Variants in PARP12 observed in about 807,000 individuals in gnomAD.
PARP12 encodes the protein poly(ADP-ribose) polymerase family member 12.
PARP12 carries 59 observed loss-of-function variants against 72.4 expected under a neutral mutation model. The ratio of observed to expected loss-of-function variants is 0.81; its 90% CI spans 0.66 to 1.01. PARP12 has a LOEUF of 1.01. Among genes scored for constraint, PARP12 ranks in the 50% least tolerant of loss-of-function variants. The pLI is 0.00. For synonymous variants in PARP12, 403 were observed against 371.4 expected (o/e 1.09, Z -0.98); for missense variants, 851 against 914.0 (o/e 0.93, Z 0.89).
intron 9 of PARP12, among the ~76,000 whole-genome samples, chr7:140,028,228 C>T (rs890376454): frequency 6.6e-6 from 1 of 152,186 alleles, no homozygotes; most frequent in Non-Finnish European, 1.5e-5. Flanking sequence ...TCCCTCCTGA[C>T]AGTAACCCCA....
chr7:140,034,083 T>G, intron 8 of PARP12, 152 bp downstream of exon 8: 1 of 1,338,080 alleles, frequency 7.5e-7, no homozygotes. Context: ...CTGGTCCAAC[T>G]AGTAGAAGAC....
chr7:140,031,069 G>C (rs1021071131), intron 8 of PARP12, among the ~76,000 whole-genome samples: 3 of 152,322 alleles, frequency 2.0e-5, no homozygotes, highest in Non-Finnish European at 2.9e-5. Context: ...TTGTACTTAA[G>C]TGAAGAACAT....
rs1236625882 is a variant in PARP12, at chr7:140,057,078, T to C, written c.538A>G (p.Ile180Val). 1.2e-6 allele frequency: 2 copies of C among 1,614,200 alleles called. No individual in the cohort carries two copies. Among genetic ancestry groups the C allele is most frequent in the Admixed American group, 3.3e-5 (2 of 60,024 alleles). The change falls in exon 3 of 12, where the codon ATC becomes GTC. Residue 180 changes from isoleucine to valine, a missense_variant. Around this residue, in one of 3 missense-constraint regions of PARP12, gnomAD observed 492 missense variants for 489.3 expected, o/e 1.01. Coordinates refer to ENST00000263549, the MANE Select transcript of PARP12 (RefSeq NM_022750.4). The stretch of plus-strand genomic sequence containing the variant: ...TCCCCCTGTAAAAAATACTGGCAGA[T>C]ATGGAGCTTGATGCACTGCTTTTGA... ...AFQKQCIKLH[I>V]CQYFLQGECK...
chr7:140,044,040 G>T (rs1585099721), intron 5 of PARP12, among the ~76,000 whole-genome samples: 1 of 152,162 alleles, frequency 6.6e-6, no homozygotes, highest in East Asian at 1.9e-4. Context: ...GAATTCCAGA[G>T]AAGGAATACT....
chr7:140,035,953 C>CAAA (rs1569526876), intron 7 of PARP12, among the ~76,000 whole-genome samples: 1 of 20,996 alleles, frequency 4.8e-5, no homozygotes, highest in Non-Finnish European at 7.8e-5. Context: ...AGGAGGAGGA[C>CAAA]GAGGAGGAGG....
At chr7:140,030,742 T>C (rs914159147) in intron 8 of PARP12, among the ~76,000 whole-genome samples, 2 of 152,268 alleles carry the variant, frequency 1.3e-5, no homozygotes, top group Non-Finnish European at 1.5e-5. Context: ...CAGCTTTGAA[T>C]GTGACCCAAC....
chr7:140,059,277 G>T (rs117675354), intron 1 of PARP12, among the ~76,000 whole-genome samples: 2,583 of 152,178 alleles, frequency 0.017, 34 homozygotes, highest in Non-Finnish European at 0.027. Context: ...GCAGTCAGTC[G>T]GTAAGCAGTT....
chr7:140,055,246 T>A (rs1817132960), intron 3 of PARP12, among the ~76,000 whole-genome samples: 1 of 152,176 alleles, frequency 6.6e-6, no homozygotes. Context: ...TAAACTAGAT[T>A]TGAAGCTATA....
intron 11 of PARP12, chr7:140,025,250 A>AT (rs1460466769): frequency 6.6e-6 from 2 of 304,754 alleles, no homozygotes; most frequent in African/African-American, 4.3e-5. Flanking sequence ...CAGGGTTGGC[A>AT]TGGAAAATGA....
At chr7:140,034,368 T>C in intron 7 of PARP12, 37 bp from the exon 8 acceptor site, 1 of 1,474,346 alleles carries the variant, frequency 6.8e-7, no homozygotes. Flanking sequence ...AATATACATA[T>C]ACATATACAT....
At chr7:140,062,395 G>C (rs1817494879) in intron 1 of PARP12, 127 bp downstream of exon 1, 1 of 931,538 alleles carries the variant, frequency 1.1e-6, no homozygotes, top group South Asian at 1.7e-5. Flanking sequence ...AGTGAATGAC[G>C]GTGCGAGGTC....
Position 140,042,669 on chromosome 7 carries a change from G to A in PARP12, c.987-830C>T, listed in dbSNP as rs80213450. 4.0e-3 allele frequency among the ~76,000 whole-genome samples: 609 copies of A among 152,322 alleles called. 2 individuals are homozygous for A. The highest frequency in any genetic ancestry group is 0.014 in the African/African-American group (585 of 41,568). On this transcript the variant is annotated intron_variant, in intron 5 of 11. Coordinates refer to ENST00000263549, the MANE Select transcript of PARP12 (RefSeq NM_022750.4). The stretch of plus-strand genomic sequence containing the variant: ...CACCTTAGTAAAGGGGGACTGGAGA[G>A]GGGACTTGCCTTGCAAAGACATCTG...
At chr7:140,057,721 G>T in intron 2 of PARP12, 178 bp downstream of exon 2, 1 of 824,760 alleles carries the variant, frequency 1.2e-6, no homozygotes, top group Non-Finnish European at 1.8e-6. Context: ...CTGGGTTGTT[G>T]GCAAAGCTGG....
intron 6 of PARP12, among the ~76,000 whole-genome samples, chr7:140,039,509 A>G (rs1243125480): frequency 1.3e-5 from 2 of 152,204 alleles, no homozygotes; most frequent in African/African-American, 4.8e-5. Context: ...TAAGCTGAGA[A>G]AGGTCTCGGT....
At chr7:140,039,186 C>T (rs1400757829) in intron 6 of PARP12, among the ~76,000 whole-genome samples, 1 of 152,142 alleles carries the variant, frequency 6.6e-6, no homozygotes, top group African/African-American at 2.4e-5. Context: ...AGCCATTAGA[C>T]TAGAGTCCGG....
Position 140,024,696 on chromosome 7 carries a change from T to A in PARP12, c.1970A>T (p.Asp657Val), listed in dbSNP as rs75599371. 1.8e-4 allele frequency: 290 copies of A among 1,613,938 alleles called. No individual in the cohort carries two copies. Among genetic ancestry groups the A allele is most frequent in the Middle Eastern group, 9.9e-4 (6 of 6,062 alleles). Residue 657 changes from aspartate (D) to valine (V), a missense_variant, in exon 12 of 12, where the codon GAC becomes GTC. Physicochemically the swap from Asp to Val is radical, Grantham distance 152 (BLOSUM62 -3). Around this residue, in one of 3 missense-constraint regions of PARP12, gnomAD observed 347 missense variants for 396.1 expected, o/e 0.88. Transcript: ENST00000263549. ...CTCAAAGATCACAAAGATGGAGGGG[T>A]CGGACACACTGTTCACGCAGCTATC... ...FYDSCVNSVSDPSIFVIFEKH... is the reference protein window; with the variant it reads ...FYDSCVNSVSVPSIFVIFEKH...
At chr7:140,036,994 C>T (rs764549960) in intron 7 of PARP12, among the ~76,000 whole-genome samples, 8 of 152,100 alleles carry the variant, frequency 5.3e-5, no homozygotes, top group Admixed American at 3.3e-4. Context: ...TCCTACCATC[C>T]GTTAAACCCA....
In PARP12 at chr7:140,062,789, G is replaced by T; in HGVS notation, c.59C>A (p.Ala20Asp). 2 of 1,410,410 alleles carry T rather than the reference G, an allele frequency of 1.4e-6. No individual in the cohort carries two copies. Among genetic ancestry groups the T allele is most frequent in the Non-Finnish European group, 1.9e-6 (2 of 1,079,338 alleles). The allele number at this position is 1,410,410 out of a possible 1,614,324, so 87.4% of individuals were successfully genotyped here. The change falls in exon 1 of 12, where the codon GCC becomes GAC. Residue 20 changes from alanine to aspartate, a missense_variant. Physicochemically the swap from Ala to Asp is moderately radical, Grantham distance 126. Coordinates refer to ENST00000263549, the MANE Select transcript of PARP12 (RefSeq NM_022750.4). The part of the protein sequence containing the change: ...VTQVLCAAGG[A>D]LELPELRRRL... ...GCGCCGCAGCTCGGGCAACTCCAGG[G>T]CGCCCCCGGCCGCGCACAGCACCTG... is the stretch of plus-strand genomic sequence containing the variant.
rs758318290 is a variant in PARP12 at position 140,024,707 on chromosome 7, G to C, written c.1959C>G (p.Asn653Lys). Reference sequence around the variant, plus strand: ...CAAAGATGGAGGGGTCGGACACACTGTTCACGCAGCTATCATAGAAGGCGT... The same window carrying C: ...CAAAGATGGAGGGGTCGGACACACTCTTCACGCAGCTATCATAGAAGGCGT... ...WSNAFYDSCV[N>K]SVSDPSIFVI... Residue 653 changes from asparagine (N) to lysine (K), a missense_variant, in exon 12 of 12, where the codon AAC (asparagine) becomes AAG (lysine). By Grantham distance (94) the Asn-to-Lys change is moderately conservative. Transcript: ENST00000263549. 6.2e-7 allele frequency: 1 copy of C among 1,614,184 alleles called. No individual in the cohort carries two copies. The highest frequency in any genetic ancestry group is 1.7e-5 in the Admixed American group (1 of 60,024).
Sources: gnomAD v4.1 joint callset for allele counts (sites outside exome capture counted in the v4.1 genomes callset) on GRCh38, gnomAD v4.1.1 for gene constraint, gnomAD v4.1.1 regional missense constraint, MANE v1.5 for transcripts, NCBI Gene and HGNC (gene_info 2026-07-23, HGNC 2026-07-21) for gene names.